The following NFIL3 variants were observed in gnomAD, a reference collection of about 807,000 sequenced individuals.
The protein encoded by NFIL3 is nuclear factor interleukin-3-regulated protein.
NFIL3 carries 5 observed loss-of-function variants against 10.0 expected under a neutral mutation model. The observed-to-expected ratio is 0.50, with a 90% CI of 0.26 to 1.06. The LOEUF (loss-of-function observed/expected upper bound fraction) is 1.06, where lower values mean the gene tolerates loss of function less well. NFIL3 is among the 50% of genes least tolerant of loss of function. NFIL3 has a pLI of 0.13. For missense variants in NFIL3, 436 were observed against 547.6 expected (o/e 0.80, Z 2.03); for synonymous variants, 202 against 206.5 (o/e 0.98, Z 0.19).
chr9:91,424,344 C>A (rs934236079), upstream of NFIL3, among the ~76,000 whole-genome samples: 5 of 152,214 alleles, frequency 3.3e-5, no homozygotes, highest in Non-Finnish European at 5.9e-5. Flanking sequence ...CGGGTTGCGG[C>A]TACCCGGGCG....
chr9:91,412,186 T>C (rs1029709836), intron 1 of NFIL3, among the ~76,000 whole-genome samples: 1 of 151,774 alleles, frequency 6.6e-6, no homozygotes, highest in African/African-American at 2.4e-5. Context: ...TAGTGCATTC[T>C]TGAAATGAAA....
the NFIL3 span, among the ~76,000 whole-genome samples, chr9:91,482,870 A>G: frequency 1.3e-5 from 2 of 152,192 alleles, no homozygotes; most frequent in African/African-American, 4.8e-5. Context: ...ACTTCTGCAC[A>G]TGTATATAGG....
the NFIL3 span, among the ~76,000 whole-genome samples, chr9:91,471,802 T>C: frequency 3.9e-4 from 59 of 152,340 alleles, no homozygotes; most frequent in African/African-American, 1.3e-3. Context: ...CTAGCATCAA[T>C]GGTCTTTACA....
chr9:91,410,786 C>T lies in NFIL3; in HGVS notation c.-52G>A, dbSNP rs376111653. ...GTGTAGGAGAACAAATTAATTTCCC[C>T]GTATTCTCAAGCTCTTTAAAAACTC... On this transcript the variant is annotated 5_prime_UTR_variant, in exon 2 of 2. Coordinates refer to ENST00000297689, the MANE Select transcript of NFIL3 (RefSeq NM_005384.3). This position sits in a 1 kb window ranked among gnomAD's most constrained non-coding sequence, Gnocchi z 5.7. 1.8e-5 allele frequency: 27 copies of T among 1,485,134 alleles called. No individual in the cohort carries two copies. The highest frequency in any genetic ancestry group is 1.6e-4 in the East Asian group (7 of 43,298). The allele number at this position is 1,485,134 out of a possible 1,614,324, so 92.0% of individuals were successfully genotyped here.
In NFIL3 at chr9:91,423,762, G is replaced by A. The variant is rs1044272175; in HGVS notation, c.-295C>T. On this transcript the variant is annotated 5_prime_UTR_variant, in exon 1 of 2. Transcript: ENST00000297689. Reference sequence around the variant, plus strand: ...CGCGGCGGGAGGCGGGCGGCGGCGAGGGCGCGGCGCGGGAGGCGGGCGGGC... The same window carrying A: ...CGCGGCGGGAGGCGGGCGGCGGCGAAGGCGCGGCGCGGGAGGCGGGCGGGC... 12 of 145,676 alleles carry A rather than the reference G, an allele frequency of 8.2e-5. No individual in the cohort carries two copies. The highest frequency in any genetic ancestry group is 2.2e-4 in the African/African-American group (9 of 40,654). The allele number at this position is 145,676 out of a possible 1,614,324, so 9.0% of individuals were successfully genotyped here. A position where few individuals can be genotyped will look rare whatever the true frequency, so the allele number is the denominator to read the frequency against.
the NFIL3 span, among the ~76,000 whole-genome samples, chr9:91,472,969 T>C: frequency 6.6e-6 from 1 of 152,328 alleles, no homozygotes; most frequent in Admixed American, 6.5e-5. Flanking sequence ...GACCCTCAGC[T>C]GCAGGTCTGT....
the NFIL3 span, among the ~76,000 whole-genome samples, chr9:91,434,870 G>T: frequency 3.9e-5 from 6 of 152,260 alleles, no homozygotes; most frequent in East Asian, 1.2e-3. Context: ...TTAAGAATAG[G>T]TGGCAGTTTA....
At chr9:91,464,050 G>GT in the NFIL3 span, among the ~76,000 whole-genome samples, 1 of 151,768 alleles carries the variant, frequency 6.6e-6, no homozygotes, top group South Asian at 2.1e-4. Flanking sequence ...TTTTATGTGG[G>GT]TTTCTTGTAG....
the NFIL3 span, among the ~76,000 whole-genome samples, chr9:91,449,804 G>A: frequency 6.6e-6 from 1 of 152,116 alleles, no homozygotes; most frequent in African/African-American, 2.4e-5. Flanking sequence ...ATGTTTGGTA[G>A]AATTTATCAG....
At chr9:91,447,354 T>C in the NFIL3 span, among the ~76,000 whole-genome samples, 134 of 152,196 alleles carry the variant, frequency 8.8e-4, 2 homozygotes, top group Admixed American at 3.3e-3. Context: ...TTGCTAGTAG[T>C]GGAATTGCTG....
chr9:91,421,511 C>A (rs1168229942), intron 1 of NFIL3, among the ~76,000 whole-genome samples: 1 of 152,168 alleles, frequency 6.6e-6, no homozygotes, highest in Non-Finnish European at 1.5e-5. Flanking sequence ...TTCGGAGGCG[C>A]TTCTCGGTCC....
the NFIL3 span, among the ~76,000 whole-genome samples, chr9:91,461,646 A>G: frequency 6.6e-6 from 1 of 152,056 alleles, no homozygotes; most frequent in Admixed American, 6.6e-5. Flanking sequence ...CGTCTCTCCA[A>G]TCTCTGCCTC....
At chr9:91,481,989 G>A in the NFIL3 span, among the ~76,000 whole-genome samples, 1 of 152,134 alleles carries the variant, frequency 6.6e-6, no homozygotes, top group African/African-American at 2.4e-5. Flanking sequence ...TTGCTTAAAA[G>A]TGAGAAAAAA....
Position 91,410,187 on chromosome 9 carries a change from G to T in NFIL3, c.548C>A (p.Pro183Gln), listed in dbSNP as rs770718343. ...TGAAACATCGGACAGCGAGCTTTGT[G>T]GAGAGTGTTTAATGACAGAAATACA... Reference protein sequence around the residue: ...SSCISVIKHSPQSSLSDVSEV... With the variant: ...SSCISVIKHSQQSSLSDVSEV... The change falls in exon 2 of 2, where the codon CCA becomes CAA. Residue 183 changes from proline to glutamine, a missense_variant. This residue lies in a region of NFIL3 where 338 missense variants were observed against 399.9 expected (regional missense o/e 0.85). Coordinates refer to ENST00000297689, the MANE Select transcript of NFIL3 (RefSeq NM_005384.3). The surrounding 1 kb of genome is among the most constrained non-coding windows in gnomAD (Gnocchi z 5.7). 2 of 1,614,110 alleles carry T rather than the reference G, an allele frequency of 1.2e-6. No homozygotes were observed. The highest frequency in any genetic ancestry group is 4.5e-5 in the East Asian group (2 of 44,886).
At chr9:91,475,388 T>C in the NFIL3 span, among the ~76,000 whole-genome samples, 1 of 152,242 alleles carries the variant, frequency 6.6e-6, no homozygotes, top group Non-Finnish European at 1.5e-5. Context: ...GGTATTCATA[T>C]AGAAACATTT....
At chr9:91,474,736 G>A in the NFIL3 span, among the ~76,000 whole-genome samples, 1 of 152,142 alleles carries the variant, frequency 6.6e-6, no homozygotes, top group African/African-American at 2.4e-5. Flanking sequence ...TGAGATAAAC[G>A]ACTTGAGCTT....
chr9:91,478,828 G>T, the NFIL3 span, among the ~76,000 whole-genome samples: 1 of 152,136 alleles, frequency 6.6e-6, no homozygotes, highest in Non-Finnish European at 1.5e-5. Context: ...TGGGGTTTCT[G>T]TTTGGACATC....
At chr9:91,470,016 G>A in the NFIL3 span, among the ~76,000 whole-genome samples, 1 of 152,148 alleles carries the variant, frequency 6.6e-6, no homozygotes, top group African/African-American at 2.4e-5. Flanking sequence ...TCTCTGCCAG[G>A]CTTTGGTATC....
At chr9:91,425,512 G>A (rs1833863049), upstream of NFIL3, among the ~76,000 whole-genome samples, 1 of 152,216 alleles carries the variant, frequency 6.6e-6, no homozygotes, top group South Asian at 2.1e-4. Flanking sequence ...TATGGGCTTA[G>A]CGTGTTCCCC....
Sources: gnomAD v4.1 joint callset for allele counts (sites outside exome capture counted in the v4.1 genomes callset) on GRCh38, gnomAD v4.1.1 for gene constraint, gnomAD v4.1.1 regional missense constraint, Gnocchi (gnomAD v3.1) non-coding constraint, MANE v1.5 for transcripts, NCBI Gene and HGNC (gene_info 2026-07-23, HGNC 2026-07-21) for gene names.